THOC2: variants seen among roughly 807,000 people sequenced by gnomAD.
THOC2 encodes the protein THO complex subunit 2.
THOC2 carries 10 observed loss-of-function variants against 128.4 expected under a neutral mutation model. The observed-to-expected ratio is 0.08, with a 90% confidence interval of 0.05 to 0.13. The LOEUF (loss-of-function observed/expected upper bound fraction) is 0.13, where lower values mean the gene tolerates loss of function less well. THOC2 is among the 10% of genes least tolerant of loss of function. The pLI is 1.00. For missense variants in THOC2, 535 were observed against 1,155.7 expected (o/e 0.46, Z 7.79); for synonymous variants, 393 against 396.9 (o/e 0.99, Z 0.12).
At chrX:123,681,857 C>T (rs191163446) in intron 8 of THOC2, among the ~76,000 whole-genome samples, 84 of 111,668 alleles carry the variant, frequency 7.5e-4, no homozygotes, top group African/African-American at 2.5e-3. Context: ...GTCGGGAATT[C>T]GGGACCAGCC....
chrX:123,719,822 G>A (rs2051609198), intron 1 of THOC2, among the ~76,000 whole-genome samples: 1 of 108,959 alleles, frequency 9.2e-6, no homozygotes, highest in African/African-American at 3.3e-5. Flanking sequence ...CTAGCTACTC[G>A]GGAGGCTGAA....
intron 12 of THOC2, among the ~76,000 whole-genome samples, chrX:123,648,717 AGCCCACTGCAG>A (rs1057128353): frequency 2.7e-5 from 3 of 111,866 alleles, no homozygotes; most frequent in African/African-American, 9.8e-5. Flanking sequence ...AAGTGAGCAG[AGCCCACTGCAG>A]CGTCACAAAG....
chrX:123,666,283 A>G (rs746272031), intron 11 of THOC2, among the ~76,000 whole-genome samples: 2 of 112,341 alleles, frequency 1.8e-5, no homozygotes, highest in African/African-American at 6.5e-5. Context: ...GTCAACTGAC[A>G]TTTCTCAATC....
At chrX:123,661,410 A>AAAAAC (rs892287645) in intron 12 of THOC2, among the ~76,000 whole-genome samples, 3 of 111,100 alleles carry the variant, frequency 2.7e-5, no homozygotes, top group Non-Finnish European at 5.7e-5. Context: ...CATCTCAAAA[A>AAAAAC]AAAACAAAAC....
intron 12 of THOC2, among the ~76,000 whole-genome samples, chrX:123,657,902 A>G (rs1454323632): frequency 8.9e-6 from 1 of 112,172 alleles, no homozygotes; most frequent in Non-Finnish European, 1.9e-5. Context: ...TAATATAACA[A>G]AAATAAGTTT....
intron 15 of THOC2, among the ~76,000 whole-genome samples, chrX:123,640,921 C>T (rs2047886528): frequency 9.0e-6 from 1 of 111,641 alleles, no homozygotes; most frequent in African/African-American, 3.3e-5. Context: ...TCTACAAGTA[C>T]ATAAAACTCT....
chrX:123,601,747 G>C (rs933773041), intron 38 of THOC2: 2 of 110,345 alleles, frequency 1.8e-5, no homozygotes, highest in Non-Finnish European at 3.8e-5. Flanking sequence ...GGTGGGGGTA[G>C]GGAGAAAAAA....
At chrX:123,709,119 T>TA (rs1556310663) in intron 2 of THOC2, among the ~76,000 whole-genome samples, 1 of 112,627 alleles carries the variant, frequency 8.9e-6, no homozygotes, top group Non-Finnish European at 1.9e-5. Flanking sequence ...CATAGAACTG[T>TA]AAGTGGTGGT....
At chrX:123,717,781 T>C (rs1263609562) in intron 1 of THOC2, among the ~76,000 whole-genome samples, 1 of 111,183 alleles carries the variant, frequency 9.0e-6, no homozygotes, top group African/African-American at 3.3e-5. Flanking sequence ...CAAGGTACAG[T>C]TGGCCCTCTG....
intron 2 of THOC2, among the ~76,000 whole-genome samples, chrX:123,712,637 A>G (rs936894174): frequency 3.6e-5 from 4 of 112,467 alleles, no homozygotes; most frequent in African/African-American, 6.4e-5. Context: ...AAGCAATATC[A>G]TATCATTATA....
intron 1 of THOC2, among the ~76,000 whole-genome samples, chrX:123,730,739 T>C (rs961284642): frequency 3.6e-5 from 4 of 111,408 alleles, no homozygotes; most frequent in Non-Finnish European, 7.5e-5. Flanking sequence ...GGTCAGGAGA[T>C]GGAGACCATC....
At chrX:123,628,245 T>A (rs1344484362) in intron 22 of THOC2, among the ~76,000 whole-genome samples, 1 of 111,774 alleles carries the variant, frequency 8.9e-6, no homozygotes, top group East Asian at 2.8e-4. Flanking sequence ...ACAGGGTATA[T>A]GCATGTTCTC....
rs1190063571 is a variant in THOC2, at chrX:123,638,750, ACT to A, written c.1840+182_1840+183del. 5.2e-3 allele frequency among the ~76,000 whole-genome samples: 516 copies of A among 99,088 alleles called. 3 individuals are homozygous for A. The highest frequency in any genetic ancestry group is 0.016 in the African/African-American group (416 of 26,683). 86.0% of individuals were successfully genotyped at this position (99,088 alleles called of 115,157 possible). A position where few individuals can be genotyped will look rare whatever the true frequency, so the allele number is the denominator to read the frequency against. On this transcript the variant is annotated intron_variant, in intron 17 of 38. Transcript: ENST00000245838. Reference sequence around the variant, plus strand: ...CGTACACACACACACACACACACACACTCTCTCTCTCTCTCACATACACACAC... The same window carrying A: ...CGTACACACACACACACACACACACACTCTCTCTCTCTCACATACACACAC...
At chrX:123,700,502 C>T (rs1171265932) in intron 4 of THOC2, among the ~76,000 whole-genome samples, 2 of 28,125 alleles carry the variant, frequency 7.1e-5, no homozygotes, top group East Asian at 1.3e-3. Context: ...ACTCCATTCT[C>T]GGGGCGGGGC....
intron 38 of THOC2, among the ~76,000 whole-genome samples, chrX:123,608,970 G>A (rs937434364): frequency 3.6e-5 from 4 of 112,070 alleles, no homozygotes; most frequent in African/African-American, 1.3e-4. Context: ...ACACAGAGGG[G>A]TAAAATACAA....
At chrX:123,699,595 T>C (rs1372229236) in intron 4 of THOC2, among the ~76,000 whole-genome samples, 2 of 110,713 alleles carry the variant, frequency 1.8e-5, no homozygotes, top group Non-Finnish European at 3.8e-5. Flanking sequence ...GGCCCATTCT[T>C]TTACCCAACA....
At chrX:123,691,838 G>A (rs1193540274) in intron 7 of THOC2, among the ~76,000 whole-genome samples, 1 of 112,629 alleles carries the variant, frequency 8.9e-6, no homozygotes, top group African/African-American at 3.2e-5. Context: ...TTTAGAGCAA[G>A]AATCAGCAAA....
At chrX:123,682,236 A>T (rs1227283424) in intron 8 of THOC2, among the ~76,000 whole-genome samples, 2 of 112,513 alleles carry the variant, frequency 1.8e-5, no homozygotes, top group African/African-American at 6.5e-5. Flanking sequence ...ACTCTTTTCT[A>T]CATTTGAAAA....
chrX:123,604,428 T>C (rs1398019529), intron 38 of THOC2, among the ~76,000 whole-genome samples: 2 of 109,448 alleles, frequency 1.8e-5, no homozygotes, highest in Non-Finnish European at 3.8e-5. Flanking sequence ...AAGACTGCCA[T>C]TTCCCTATGT....
Sources: gnomAD v4.1 joint callset for allele counts (sites outside exome capture counted in the v4.1 genomes callset) on GRCh38, gnomAD v4.1.1 for gene constraint, MANE v1.5 for transcripts, NCBI Gene and HGNC (gene_info 2026-07-23, HGNC 2026-07-21) for gene names.